The following ZHX2 variants were observed in gnomAD, a reference collection of about 807,000 sequenced individuals.
ZHX2 encodes the protein zinc fingers and homeoboxes protein 2.
A neutral mutation model predicts 21.9 loss-of-function variants in ZHX2; 6 were observed. The observed-to-expected ratio is 0.27, with a 90% CI of 0.15 to 0.54. The LOEUF (loss-of-function observed/expected upper bound fraction) is 0.54, where lower values mean the gene tolerates loss of function less well. Among genes scored for constraint, ZHX2 ranks in the 20% least tolerant of loss-of-function variants. The pLI is 0.95. For missense variants in ZHX2, 908 were observed against 1,090.7 expected (o/e 0.83, Z 2.36); for synonymous variants, 434 against 437.1 (o/e 0.99, Z 0.09).
chr8:122,783,694 A>G (rs1817337727), intron 1 of ZHX2, among the ~76,000 whole-genome samples: 1 of 152,240 alleles, frequency 6.6e-6, no homozygotes, highest in African/African-American at 2.4e-5. Flanking sequence ...TGGAATAAAT[A>G]TCTTGTAAAA....
intron 1 of ZHX2, among the ~76,000 whole-genome samples, chr8:122,805,474 G>C (rs759718363): frequency 9.2e-5 from 14 of 152,190 alleles, no homozygotes; most frequent in Admixed American, 2.0e-4. Context: ...AGGCCAATGT[G>C]CACTGAGGTG....
intron 1 of ZHX2, chr8:122,807,845 G>T (rs897621433): frequency 6.6e-6 from 1 of 152,236 alleles, no homozygotes; most frequent in Non-Finnish European, 1.5e-5. Flanking sequence ...GGTGGTAAGT[G>T]GAAGACCCCT....
At chr8:122,795,194 A>G (rs1729043878) in intron 1 of ZHX2, among the ~76,000 whole-genome samples, 1 of 152,240 alleles carries the variant, frequency 6.6e-6, no homozygotes, top group Non-Finnish European at 1.5e-5. Flanking sequence ...CAGGTGCAGA[A>G]TGAGTTGCTG....
In ZHX2 at chr8:122,966,348, G is replaced by A. The variant is rs141231457; in HGVS notation, c.*5-6894G>A. Among the ~76,000 whole-genome samples the A allele has an allele frequency of 3.7e-3, 562 of 152,238 alleles. 2 individuals are homozygous for A. Among genetic ancestry groups the A allele is most frequent in the Non-Finnish European group, 5.7e-3 (389 of 68,000 alleles). ...TAGCATTTCTTGTAGCACTGCTTTG[G>A]TAGTGGTGAATTCTCTCAGTATTTG... On this transcript the variant is annotated intron_variant, in intron 3 of 3. Transcript: ENST00000314393.
intron 3 of ZHX2, among the ~76,000 whole-genome samples, chr8:122,970,396 C>T (rs536642798): frequency 3.3e-5 from 5 of 152,258 alleles, no homozygotes; most frequent in South Asian, 2.1e-4. Context: ...CCACAGGGAG[C>T]GGATGGGGGG....
At chr8:122,864,086 G>C (rs1819232149) in intron 2 of ZHX2, among the ~76,000 whole-genome samples, 1 of 151,520 alleles carries the variant, frequency 6.6e-6, no homozygotes, top group Non-Finnish European at 1.5e-5. Context: ...GAAGTAGAGT[G>C]AGTTCCCTGT....
At chr8:122,935,986 G>T (rs1378643794) in intron 2 of ZHX2, among the ~76,000 whole-genome samples, 1 of 152,170 alleles carries the variant, frequency 6.6e-6, no homozygotes, top group Non-Finnish European at 1.5e-5. Context: ...TATTCCCTGA[G>T]TATCTAAGGC....
Position 122,952,842 on chromosome 8 carries a change from C to A in ZHX2, c.1332C>A (p.Arg444=), listed in dbSNP as rs1813163760. ...ANPPLTPASD[R]KKTKEQIAHL... ...CCCCGCTCACACCAGCCAGTGACCG[C>A]AAGAAGACAAAGGAGCAGATAGCAC... The change falls in exon 3 of 4, where the codon CGC becomes CGA. Residue 444 remains arginine (R), a synonymous_variant. Transcript: ENST00000314393. This position sits in a 1 kb window ranked among gnomAD's most constrained non-coding sequence, Gnocchi z 6.9. 3.7e-6 allele frequency: 6 copies of A among 1,614,036 alleles called. No homozygotes were observed. Among genetic ancestry groups the A allele is most frequent in the Non-Finnish European group, 5.1e-6 (6 of 1,180,036 alleles).
chr8:122,817,383 C>T (rs979386384), intron 1 of ZHX2, among the ~76,000 whole-genome samples: 4 of 152,142 alleles, frequency 2.6e-5, no homozygotes, highest in Non-Finnish European at 5.9e-5. Flanking sequence ...GATCAGTTGC[C>T]GTATGAGGCA....
intron 2 of ZHX2, among the ~76,000 whole-genome samples, chr8:122,876,545 G>A (rs529804775): frequency 6.6e-6 from 1 of 152,294 alleles, no homozygotes; most frequent in Non-Finnish European, 1.5e-5. Flanking sequence ...GCCAGAAAAT[G>A]CAAGTGTTCT....
At position 122,953,853 on chromosome 8, in the gene ZHX2, T is replaced by G. The variant is rs1586421713; in HGVS notation, c.2343T>G (p.Gly781=). Residue 781 remains glycine, a synonymous_variant, in exon 3 of 4, where the codon GGT becomes GGG. Transcript: ENST00000314393. This position sits in a 1 kb window ranked among gnomAD's most constrained non-coding sequence, Gnocchi z 4.6. ...AGGGCAGCAGCCGGGACGGCCAGGGTAGCGACGAGAACGAGGAGTCGAGCG... is the reference window on the plus strand; with the variant it reads ...AGGGCAGCAGCCGGGACGGCCAGGGGAGCGACGAGAACGAGGAGTCGAGCG... ...RSEGSSRDGQ[G]SDENEESSVV... 1 of 1,614,092 alleles carries G rather than the reference T, an allele frequency of 6.2e-7. No homozygotes were observed. Among genetic ancestry groups the G allele is most frequent in the South Asian group, 1.1e-5 (1 of 91,080 alleles).
intron 2 of ZHX2, among the ~76,000 whole-genome samples, chr8:122,901,384 G>T (rs2129939047): frequency 6.6e-6 from 1 of 152,292 alleles, no homozygotes; most frequent in African/African-American, 2.4e-5. Context: ...CTGCTTCAGT[G>T]GTTTTGAGGT....
At chr8:122,944,469 A>T (rs1235395345) in intron 2 of ZHX2, among the ~76,000 whole-genome samples, 1 of 152,046 alleles carries the variant, frequency 6.6e-6, no homozygotes, top group Non-Finnish European at 1.5e-5. Flanking sequence ...TCTGTTTCGT[A>T]AACTCTTTCT....
intron 2 of ZHX2, among the ~76,000 whole-genome samples, chr8:122,942,021 C>A (rs1812858176): frequency 6.6e-6 from 1 of 152,168 alleles, no homozygotes; most frequent in South Asian, 2.1e-4. Flanking sequence ...CTCTCAGTCA[C>A]CAGTGACCTT....
chr8:122,786,321 T>C (rs1012899588), intron 1 of ZHX2, among the ~76,000 whole-genome samples: 12 of 152,326 alleles, frequency 7.9e-5, no homozygotes, highest in African/African-American at 2.9e-4. Context: ...TTGCTTTAAA[T>C]CAAGGAGATG....
At chr8:122,833,217 T>C (rs1470142065) in intron 1 of ZHX2, among the ~76,000 whole-genome samples, 4 of 152,214 alleles carry the variant, frequency 2.6e-5, no homozygotes, top group Non-Finnish European at 5.9e-5. Context: ...TAGGAACTGC[T>C]GGACATACCG....
chr8:122,900,263 C>G (rs1313071180), intron 2 of ZHX2, among the ~76,000 whole-genome samples: 1 of 152,090 alleles, frequency 6.6e-6, no homozygotes, highest in Non-Finnish European at 1.5e-5. Context: ...TGGTGTGGAC[C>G]TCAGGCTACT....
At chr8:122,835,137 A>C (rs1255850378) in intron 1 of ZHX2, among the ~76,000 whole-genome samples, 1 of 152,184 alleles carries the variant, frequency 6.6e-6, no homozygotes, top group African/African-American at 2.4e-5. Context: ...CTAATATAAG[A>C]GGTAGCATCT....
intron 2 of ZHX2, among the ~76,000 whole-genome samples, chr8:122,918,771 C>T (rs1376237543): frequency 1.3e-5 from 2 of 151,836 alleles, no homozygotes; most frequent in Non-Finnish European, 2.9e-5. Flanking sequence ...ATGGTGAAAC[C>T]CCATCTCTAC....
Sources: gnomAD v4.1 joint callset for allele counts (sites outside exome capture counted in the v4.1 genomes callset) on GRCh38, gnomAD v4.1.1 for gene constraint, Gnocchi (gnomAD v3.1) non-coding constraint, MANE v1.5 for transcripts, NCBI Gene and HGNC (gene_info 2026-07-23, HGNC 2026-07-21) for gene names.